ZBTB20: variants seen among roughly 807,000 people sequenced by gnomAD.
ZBTB20 encodes zinc finger and BTB domain-containing protein 20.
In ZBTB20, 9 loss-of-function variants were observed where a neutral mutation model predicts 56.9. That is an observed-to-expected ratio of 0.16 (90% CI 0.10 to 0.28). The LOEUF (loss-of-function observed/expected upper bound fraction) is 0.28, where lower values mean the gene tolerates loss of function less well. Ranked by LOEUF, ZBTB20 falls within the 10% of genes least tolerant of loss-of-function variation. The pLI, the probability that ZBTB20 is intolerant of heterozygous loss-of-function variation, is 1.00. For missense variants in ZBTB20, 655 were observed against 1,003.0 expected, an observed-to-expected ratio of 0.65 and a Z score of 4.69; for synonymous variants, 417 against 420.7, an observed-to-expected ratio of 0.99 and a Z score of 0.11.
chr3:114,938,278 T>G (rs1398758104), intron 3 of ZBTB20, among the ~76,000 whole-genome samples: 1 of 146,382 alleles, frequency 6.8e-6, no homozygotes, highest in African/African-American at 2.8e-5. Flanking sequence ...TTTAGTTTAA[T>G]TAGATCCCAT....
chr3:115,068,032 T>C (rs925131347), intron 2 of ZBTB20, among the ~76,000 whole-genome samples: 1 of 152,096 alleles, frequency 6.6e-6, no homozygotes, highest in African/African-American at 2.4e-5. Flanking sequence ...TTCTTTTCTC[T>C]GCCTAGAAAG....
At chr3:114,545,911 TG>T (rs1380648314) in intron 6 of ZBTB20, among the ~76,000 whole-genome samples, 5 of 152,188 alleles carry the variant, frequency 3.3e-5, no homozygotes, top group Non-Finnish European at 7.3e-5. Flanking sequence ...ATCCATGTGC[TG>T]CCATCAGATT....
intron 1 of ZBTB20, among the ~76,000 whole-genome samples, chr3:115,125,186 T>C (rs753408986): frequency 6.6e-6 from 1 of 151,506 alleles, no homozygotes; most frequent in African/African-American, 2.4e-5. Context: ...TCCAAAAAAA[T>C]TAAAAAATTA....
chr3:115,023,441 T>G (rs1300713257), intron 2 of ZBTB20, among the ~76,000 whole-genome samples: 1 of 150,900 alleles, frequency 6.6e-6, no homozygotes, highest in Admixed American at 6.6e-5. Context: ...AGCTCTCATG[T>G]CTGTGTCTTT....
At chr3:115,011,814 A>G (rs909618480) in intron 2 of ZBTB20, among the ~76,000 whole-genome samples, 1 of 151,904 alleles carries the variant, frequency 6.6e-6, no homozygotes, top group Non-Finnish European at 1.5e-5. Context: ...AAGTACAAAG[A>G]GTAAATGATG....
At chr3:115,132,296 T>C (rs886915944) in intron 1 of ZBTB20, among the ~76,000 whole-genome samples, 2 of 152,174 alleles carry the variant, frequency 1.3e-5, no homozygotes, top group African/African-American at 4.8e-5. Context: ...GAAAATGGAA[T>C]AATATTTTCC....
chr3:114,769,871 C>T (rs2069074244), intron 5 of ZBTB20, among the ~76,000 whole-genome samples: 1 of 151,740 alleles, frequency 6.6e-6, no homozygotes, highest in Non-Finnish European at 1.5e-5. Context: ...CCAGCCTGGC[C>T]CACATGGTGA....
chr3:114,803,629 C>A (rs1467630148), intron 4 of ZBTB20, among the ~76,000 whole-genome samples: 2 of 151,828 alleles, frequency 1.3e-5, no homozygotes, highest in African/African-American at 4.8e-5. Flanking sequence ...GTAACTCTGT[C>A]ACTATATAGT....
chr3:115,034,581 T>A (rs1415992092), intron 2 of ZBTB20, among the ~76,000 whole-genome samples: 1 of 151,862 alleles, frequency 6.6e-6, no homozygotes, highest in African/African-American at 2.4e-5. Flanking sequence ...TGAAAGAAAT[T>A]AAAGAAGACA....
chr3:114,408,934 C>G (rs373038913), intron 7 of ZBTB20, among the ~76,000 whole-genome samples: 5 of 152,008 alleles, frequency 3.3e-5, no homozygotes, highest in Admixed American at 2.6e-4. Context: ...GCTCGTCCGC[C>G]GTCCGCTCCT....
intron 3 of ZBTB20, among the ~76,000 whole-genome samples, chr3:114,924,501 T>G (rs1442680498): frequency 6.6e-6 from 1 of 152,212 alleles, no homozygotes; most frequent in Admixed American, 6.5e-5. Flanking sequence ...ACATGAAATC[T>G]TATAAAAAGG....
At chr3:114,670,817 A>C (rs2061324253) in intron 6 of ZBTB20, among the ~76,000 whole-genome samples, 1 of 152,180 alleles carries the variant, frequency 6.6e-6, no homozygotes, top group African/African-American at 2.4e-5. Flanking sequence ...TGGGGCACCC[A>C]TGTGTCTTAC....
chr3:115,003,128 G>C (rs1639532358), intron 2 of ZBTB20, among the ~76,000 whole-genome samples: 1 of 151,550 alleles, frequency 6.6e-6, no homozygotes, highest in South Asian at 2.1e-4. Context: ...CCGTAAAAAA[G>C]ATGCCAGGGT....
chr3:114,452,832 G>C (rs1236433316), intron 7 of ZBTB20, among the ~76,000 whole-genome samples: 2 of 152,172 alleles, frequency 1.3e-5, no homozygotes, highest in South Asian at 2.1e-4. Context: ...TCTGTAGTTA[G>C]GAATGGTACA....
intron 3 of ZBTB20, among the ~76,000 whole-genome samples, chr3:114,934,507 GATTAACAAATAGCACCAAATTTAAATAA>G (rs2076466669): frequency 2.0e-5 from 3 of 152,072 alleles, no homozygotes; most frequent in Admixed American, 1.3e-4. Flanking sequence ...CATAGCTGTG[GATTAACAAATAGCACCAAATTTAAATAA>G]ATTAATTAAT....
At chr3:114,367,422 T>A (rs1485044153) in intron 10 of ZBTB20, among the ~76,000 whole-genome samples, 1 of 152,134 alleles carries the variant, frequency 6.6e-6, no homozygotes, top group Non-Finnish European at 1.5e-5. Flanking sequence ...CACACCACTA[T>A]GCCCCGCTAA....
intron 6 of ZBTB20, among the ~76,000 whole-genome samples, chr3:114,528,357 A>G (rs910973330): frequency 4.6e-5 from 7 of 152,124 alleles, no homozygotes; most frequent in Non-Finnish European, 8.8e-5. Flanking sequence ...TGTTGATTTC[A>G]TCTATTCTTG....
intron 4 of ZBTB20, among the ~76,000 whole-genome samples, chr3:114,859,572 G>GTTTTTTT (rs59741665): frequency 8.6e-6 from 1 of 116,610 alleles, no homozygotes; most frequent in African/African-American, 3.1e-5. Context: ...TTCTTATGGC[G>GTTTTTTT]TTTTTTTTTT....
chr3:114,416,634 C>T (rs751534410), intron 7 of ZBTB20, among the ~76,000 whole-genome samples: 4 of 151,986 alleles, frequency 2.6e-5, no homozygotes, highest in African/African-American at 7.2e-5. Flanking sequence ...TGGTCAGCAG[C>T]GACAGGTAAA....
Sources: gnomAD v4.1 joint callset for allele counts (sites outside exome capture counted in the v4.1 genomes callset) on GRCh38, gnomAD v4.1.1 for gene constraint, MANE v1.5 for transcripts, NCBI Gene and HGNC (gene_info 2026-07-23, HGNC 2026-07-21) for gene names.